CEP41: variants seen among roughly 807,000 people sequenced by gnomAD.
The protein encoded by CEP41 is centrosomal protein of 41 kDa.
In CEP41, 32 loss-of-function variants were observed where a neutral mutation model predicts 44.3. That is an observed-to-expected ratio of 0.72 (90% CI 0.54 to 0.97). The LOEUF is 0.97. Ranked by LOEUF, CEP41 falls within the 50% of genes least tolerant of loss-of-function variation. The probability of loss-of-function intolerance (pLI) is 0.00; values close to 1 mark genes in which losing one functional copy is unlikely to be tolerated. For missense variants in CEP41, 432 were observed against 455.2 expected (o/e 0.95, Z 0.46); for synonymous variants, 151 against 168.5 (o/e 0.90, Z 0.80).
intron 1 of CEP41, among the ~76,000 whole-genome samples, chr7:130,437,680 T>C (rs1362973008): frequency 7.0e-6 from 1 of 142,666 alleles, no homozygotes; most frequent in Non-Finnish European, 1.5e-5. Context: ...AGTGGGAGAA[T>C]CATTTGAGCC....
chr7:130,406,367 TG>T (rs1797008691), intron 5 of CEP41, among the ~76,000 whole-genome samples: 1 of 152,102 alleles, frequency 6.6e-6, no homozygotes, highest in Non-Finnish European at 1.5e-5. Context: ...GTGGATCACT[TG>T]AGGTCAGGAG....
At chr7:130,440,787 CCCCGCCCCTGCATCCCGA>C in intron 1 of CEP41, 129 bp downstream of exon 1, 1 of 611,362 alleles carries the variant, frequency 1.6e-6, no homozygotes. Context: ...GCCCGGCCCG[CCCCGCCCCTGCATCCCGA>C]CCCCTCCTCA....
Position 130,394,500 on chromosome 7 carries a change from C to T in CEP41, c.*4391G>A, listed in dbSNP as rs782450438. 60 of 453,928 alleles carry T rather than the reference C, an allele frequency of 1.3e-4. No individual in the cohort carries two copies. The highest frequency in any genetic ancestry group is 2.6e-4 in the Non-Finnish European group (59 of 226,796). 28.1% of individuals were successfully genotyped at this position (453,928 alleles called of 1,614,324 possible). ...TCTTAAGATGGGGGTGGTGTGTGACCTTTGCGTGCTGAATTTGGGAGGATA... is the reference window on the plus strand; with the variant it reads ...TCTTAAGATGGGGGTGGTGTGTGACTTTTGCGTGCTGAATTTGGGAGGATA... On this transcript the variant is annotated 3_prime_UTR_variant, in exon 11 of 11. Coordinates refer to ENST00000223208, the MANE Select transcript of CEP41 (RefSeq NM_018718.3).
Position 130,430,708 on chromosome 7 carries a change from CTACA to C in CEP41, c.34-2694_34-2691del, listed in dbSNP as rs149351980. On this transcript the variant is annotated intron_variant, in intron 1 of 10. Coordinates refer to ENST00000223208, the MANE Select transcript of CEP41 (RefSeq NM_018718.3). ...TAAATTGAGTCAAGTAACGCTAATA[CTACA>C]TTGCAGTTATCTTGGGCTAAGGGAT... is the stretch of plus-strand genomic sequence containing the variant. 6.9e-3 allele frequency among the ~76,000 whole-genome samples: 1,047 copies of C among 152,284 alleles called. 10 individuals are homozygous for C. Among genetic ancestry groups the C allele is most frequent in the African/African-American group, 0.024 (1,000 of 41,560 alleles).
Position 130,440,953 on chromosome 7 carries a change from C to T in CEP41, c.14G>A (p.Arg5Lys), listed in dbSNP as rs1240057172. The T allele has an allele frequency of 1.2e-6, 2 of 1,612,802 alleles. No homozygotes were observed. Among genetic ancestry groups the T allele is most frequent in the Non-Finnish European group, 1.7e-6 (2 of 1,180,026 alleles). ...CCTCACCTCAGGGTTCCCAATGTGCCTCCGGAGGGACATATTTTCTCCAAC... is the reference window on the plus strand; with the variant it reads ...CCTCACCTCAGGGTTCCCAATGTGCTTCCGGAGGGACATATTTTCTCCAAC... MSLR[R>K]HIGNPEYLMK... Residue 5 changes from arginine to lysine, a missense_variant, in exon 1 of 11, where the codon AGG becomes AAG. By Grantham distance (26) the Arg-to-Lys change is conservative. Coordinates refer to ENST00000223208, the MANE Select transcript of CEP41 (RefSeq NM_018718.3).
intron 8 of CEP41, 101 bp downstream of exon 8, chr7:130,401,778 TCA>T (rs1796850637): frequency 1.3e-6 from 1 of 786,546 alleles, no homozygotes. Flanking sequence ...CCAAATAATA[TCA>T]AAGGTCCTTC....
At chr7:130,429,771 C>G (rs782117433) in intron 1 of CEP41, among the ~76,000 whole-genome samples, 2 of 152,172 alleles carry the variant, frequency 1.3e-5, no homozygotes, top group Non-Finnish European at 2.9e-5. Context: ...CTCCCTGGCT[C>G]CCAGAGTACT....
intron 3 of CEP41, among the ~76,000 whole-genome samples, chr7:130,413,940 T>C (rs976621605): frequency 3.0e-4 from 46 of 152,196 alleles, no homozygotes; most frequent in African/African-American, 1.1e-3. Flanking sequence ...AGCTGGTTAA[T>C]TGCTATGGCC....
rs1374383852 is a variant in CEP41 at position 130,411,208 on chromosome 7, T to C, written c.208-17A>G. The C allele has an allele frequency of 2.5e-6, 4 of 1,600,176 alleles. No individual in the cohort carries two copies. Among genetic ancestry groups the C allele is most frequent in the Non-Finnish European group, 3.4e-6 (4 of 1,167,566 alleles). On this transcript the variant is annotated splice_polypyrimidine_tract_variant and intron_variant, in intron 4 of 10. Coordinates refer to ENST00000223208, the MANE Select transcript of CEP41 (RefSeq NM_018718.3). ...TTGGATGATCTGATAGAAAAAAGAA[T>C]GAAATGTGTGGATGTTTGTTTGTTT...
chr7:130,407,296 A>ACT (rs1337048194), intron 5 of CEP41, among the ~76,000 whole-genome samples: 1 of 132,790 alleles, frequency 7.5e-6, no homozygotes, highest in Non-Finnish European at 1.7e-5. Context: ...ACACACACAC[A>ACT]CTCAGATCCT....
intron 1 of CEP41, among the ~76,000 whole-genome samples, chr7:130,429,991 T>C (rs782174014): frequency 8.5e-5 from 13 of 152,236 alleles, no homozygotes; most frequent in Admixed American, 1.3e-4. Flanking sequence ...ATCGGACTTA[T>C]AAAAACTGCA....
Position 130,418,760 on chromosome 7 carries a change from T to A in CEP41, c.98-1794A>T, listed in dbSNP as rs1294148169. ...AAACACAATTAATCATGAGGTAAAT[T>A]TGTAGGAAATGCTACTTCCTTAATA... is the stretch of plus-strand genomic sequence containing the variant. On this transcript the variant is annotated intron_variant, in intron 2 of 10. Transcript: ENST00000223208. Among the ~76,000 whole-genome samples the A allele has an allele frequency of 6.6e-5, 10 of 152,346 alleles. No individual in the cohort carries two copies. The East Asian group carries it at 1.9e-3, about 29-fold the overall frequency.
intron 2 of CEP41, chr7:130,419,298 CT>C (rs1403702738): frequency 1.0e-6 from 1 of 985,266 alleles, no homozygotes; most frequent in Non-Finnish European, 1.2e-6. Context: ...GGATTTCTTC[CT>C]TGCTTTAATT....
intron 1 of CEP41, among the ~76,000 whole-genome samples, chr7:130,429,399 C>T (rs1797761217): frequency 6.6e-6 from 1 of 152,144 alleles, no homozygotes; most frequent in South Asian, 2.1e-4. Context: ...GACATTAACC[C>T]ACATTAAATT....
In CEP41 at chr7:130,395,912, A is replaced by C. The variant is rs1459617504; in HGVS notation, c.*2979T>G. 6.7e-6 allele frequency: 3 copies of C among 445,024 alleles called. No individual in the cohort carries two copies. In the Admixed American group the frequency reaches 7.3e-5, roughly 11 times the overall value. 27.6% of individuals were successfully genotyped at this position (445,024 alleles called of 1,614,324 possible). ...AAAAAAAAAGATAAAAGATAAAATG[A>C]ATGCAGGCCATTTAAATCATTCCAT... On this transcript the variant is annotated 3_prime_UTR_variant, in exon 11 of 11. Coordinates refer to ENST00000223208, the MANE Select transcript of CEP41 (RefSeq NM_018718.3).
intron 1 of CEP41, among the ~76,000 whole-genome samples, chr7:130,430,931 G>A (rs933410252): frequency 3.3e-5 from 5 of 152,190 alleles, no homozygotes; most frequent in African/African-American, 9.7e-5. Flanking sequence ...TGGGGACCAG[G>A]TGTGGTGGCA....
At chr7:130,424,549 T>C (rs782293417) in intron 2 of CEP41, among the ~76,000 whole-genome samples, 6 of 151,968 alleles carry the variant, frequency 3.9e-5, no homozygotes, top group East Asian at 1.9e-4. Flanking sequence ...AACCCAGAAA[T>C]AGACCCACGT....
intron 5 of CEP41, among the ~76,000 whole-genome samples, chr7:130,405,313 C>A (rs1400905332): frequency 6.6e-6 from 1 of 152,066 alleles, no homozygotes; most frequent in Non-Finnish European, 1.5e-5. Flanking sequence ...CTATGCACAC[C>A]ATTTTTGCTT....
At chr7:130,439,704 A>G (rs1254522923) in intron 1 of CEP41, among the ~76,000 whole-genome samples, 3 of 152,102 alleles carry the variant, frequency 2.0e-5, no homozygotes, top group Non-Finnish European at 4.4e-5. Flanking sequence ...GCCTAGTACC[A>G]GGCAGCCACC....
Sources: gnomAD v4.1 joint callset for allele counts (sites outside exome capture counted in the v4.1 genomes callset) on GRCh38, gnomAD v4.1.1 for gene constraint, MANE v1.5 for transcripts, NCBI Gene and HGNC (gene_info 2026-07-23, HGNC 2026-07-21) for gene names.